Variants in AK9 observed in about 807,000 individuals in gnomAD.
AK9 encodes the protein adenylate kinase 9, also known as adenylate kinase domain containing 1.
A neutral mutation model predicts 239.6 loss-of-function variants in AK9; 191 were observed. The ratio of observed to expected loss-of-function variants is 0.80; its 90% CI spans 0.71 to 0.90. The LOEUF is 0.90. Among genes scored for constraint, AK9 ranks in the 40% least tolerant of loss-of-function variants. The pLI, the probability that AK9 is intolerant of heterozygous loss-of-function variation, is 0.00. For missense variants in AK9, 1,995 were observed against 2,214.7 expected (o/e 0.90, Z 1.99); for synonymous variants, 689 against 721.0 (o/e 0.96, Z 0.71).
intron 32 of AK9, among the ~76,000 whole-genome samples, chr6:109,511,921 T>C (rs893081368): frequency 1.3e-5 from 2 of 152,222 alleles, no homozygotes; most frequent in Non-Finnish European, 2.9e-5. Context: ...TTATTTTGCA[T>C]GTCAACGTTC....
intron 24 of AK9, among the ~76,000 whole-genome samples, chr6:109,555,383 T>C (rs1784875420): frequency 6.6e-6 from 1 of 152,220 alleles, no homozygotes; most frequent in South Asian, 2.1e-4. Context: ...AGACTGTTTG[T>C]TATGATTTCA....
chr6:109,651,942 C>G lies in AK9; in HGVS notation c.759+4814G>C, dbSNP rs560622282. Among the ~76,000 whole-genome samples, 424 of 152,246 alleles carry G rather than the reference C, an allele frequency of 2.8e-3. 1 individual carries two copies. The highest frequency in any genetic ancestry group is 9.7e-3 in the African/African-American group (405 of 41,550). ...CTACCAACCAAAAAAAGTCCAGGAC[C>G]TGACGGATTCACAGCCAAACTCTAC... is the stretch of plus-strand genomic sequence containing the variant. On this transcript the variant is annotated intron_variant, in intron 8 of 40. Coordinates refer to ENST00000424296, the MANE Select transcript of AK9 (RefSeq NM_001145128.3).
In AK9 at chr6:109,499,215, T is replaced by C. The variant is rs1777359618; in HGVS notation, c.4875A>G (p.Leu1625=). The C allele has an allele frequency of 1.9e-6, 3 of 1,551,970 alleles. No homozygotes were observed. The highest frequency in any genetic ancestry group is 1.7e-6 in the Non-Finnish European group (2 of 1,146,540). The part of the protein sequence containing the change: ...KAGKAACIDK[L]CITPQELLSR... Reference sequence around the variant, plus strand: ...AAAGCAGCTCTTGAGGTGTGATACATAACTTGTCAATGCAGGCAGCTTTTC... The same window carrying C: ...AAAGCAGCTCTTGAGGTGTGATACACAACTTGTCAATGCAGGCAGCTTTTC... Residue 1625 remains leucine (L), a synonymous_variant, in exon 36 of 41, where the codon TTA becomes TTG. Coordinates refer to ENST00000424296, the MANE Select transcript of AK9 (RefSeq NM_001145128.3).
chr6:109,524,693 T>C (rs1451988102), intron 29 of AK9, among the ~76,000 whole-genome samples: 1 of 152,212 alleles, frequency 6.6e-6, no homozygotes, highest in East Asian at 1.9e-4. Flanking sequence ...TTCCTATTAA[T>C]TTTTTGAAAA....
Position 109,542,123 on chromosome 6 carries a change from G to A in AK9, c.3274C>T (p.Leu1092=). ...GGAGGCAAGGGCTCATTTTCCATTA[G>A]ACTTGATTTGATTACTTCTTCTTCT... is the stretch of plus-strand genomic sequence containing the variant. ...TEEEEVIKSS[L]MENEPLPPEI... is the part of the protein sequence containing the mutation. The change falls in exon 27 of 41, where the codon CTA becomes TTA. Residue 1092 remains leucine (L), a synonymous_variant. Coordinates refer to ENST00000424296, the MANE Select transcript of AK9 (RefSeq NM_001145128.3). The A allele has an allele frequency of 6.2e-7, 1 of 1,607,258 alleles. No homozygotes were observed. Among genetic ancestry groups the A allele is most frequent in the Non-Finnish European group, 8.5e-7 (1 of 1,176,478 alleles).
At chr6:109,569,568 T>C (rs958266547) in intron 21 of AK9, among the ~76,000 whole-genome samples, 9 of 152,050 alleles carry the variant, frequency 5.9e-5, no homozygotes, top group Admixed American at 2.0e-4. Flanking sequence ...ACAAAGAACT[T>C]AAACAAATTT....
intron 1 of AK9, among the ~76,000 whole-genome samples, chr6:109,685,203 A>C (rs981601621): frequency 6.6e-6 from 1 of 152,158 alleles, no homozygotes; most frequent in Non-Finnish European, 1.5e-5. Flanking sequence ...CAGAAATACC[A>C]TTTGACCCAG....
Position 109,497,873 on chromosome 6 carries a change from T to C in AK9, c.5139A>G (p.Ser1713=). The C allele has an allele frequency of 6.2e-7, 1 of 1,614,056 alleles. No individual in the cohort carries two copies. Among genetic ancestry groups the C allele is most frequent in the Non-Finnish European group, 8.5e-7 (1 of 1,179,920 alleles). Residue 1713 remains serine, a synonymous_variant, in exon 37 of 41, where the codon TCA becomes TCG. Transcript: ENST00000424296. The part of the protein sequence containing the change: ...ADMIPKRLTL[S]ELKSRFPKCA... The stretch of plus-strand genomic sequence containing the variant: ...ACTTAGGGAATCGACTCTTCAGCTC[T>C]GACAGTGTCAGTCTTTTGGGGATCA...
At chr6:109,506,262 CAT>C (rs1292411164) in intron 35 of AK9, 63 bp downstream of exon 35, 1 of 1,457,592 alleles carries the variant, frequency 6.9e-7, no homozygotes, top group East Asian at 2.3e-5. Flanking sequence ...ATTACAGTAA[CAT>C]GAGTCAGGCA....
chr6:109,496,258 C>T (rs1329333521), intron 38 of AK9, among the ~76,000 whole-genome samples: 1 of 152,190 alleles, frequency 6.6e-6, no homozygotes, highest in Non-Finnish European at 1.5e-5. Context: ...GCTCTGGTCC[C>T]CTCAGCCGGC....
chr6:109,681,241 G>C (rs1772581132), intron 1 of AK9, among the ~76,000 whole-genome samples: 1 of 152,184 alleles, frequency 6.6e-6, no homozygotes, highest in East Asian at 1.9e-4. Context: ...AAAATAAAGG[G>C]ATGGAGGAAT....
intron 8 of AK9, among the ~76,000 whole-genome samples, chr6:109,647,529 T>G (rs926235919): frequency 2.3e-4 from 35 of 152,198 alleles, no homozygotes; most frequent in Admixed American, 1.4e-3. Flanking sequence ...AGTTCAACAA[T>G]AAGAGCTAAC....
chr6:109,682,425 T>C (rs1772802907), intron 1 of AK9, among the ~76,000 whole-genome samples: 1 of 46,510 alleles, frequency 2.2e-5, no homozygotes, highest in African/African-American at 2.2e-4. Context: ...AGACTCCGTC[T>C]CAAAAAAAAA....
At chr6:109,564,632 A>C in intron 22 of AK9, 124 bp downstream of exon 22, 1 of 656,388 alleles carries the variant, frequency 1.5e-6, no homozygotes. Context: ...TATGTATGTC[A>C]ATTAGCATAC....
intron 5 of AK9, among the ~76,000 whole-genome samples, chr6:109,665,563 GT>G (rs1288344436): frequency 6.6e-6 from 1 of 152,178 alleles, no homozygotes; most frequent in Non-Finnish European, 1.5e-5. Context: ...TTAACAACAT[GT>G]TTGAACTGGT....
chr6:109,651,540 C>G (rs1000294814), intron 8 of AK9, among the ~76,000 whole-genome samples: 5 of 152,086 alleles, frequency 3.3e-5, no homozygotes, highest in Non-Finnish European at 7.4e-5. Context: ...AATTCAAAAG[C>G]TAGCAGAAGG....
intron 15 of AK9, among the ~76,000 whole-genome samples, chr6:109,613,478 T>C (rs886493899): frequency 6.6e-6 from 1 of 151,936 alleles, no homozygotes; most frequent in African/African-American, 2.4e-5. Flanking sequence ...TGTATATTAC[T>C]GGGGAAACAT....
intron 5 of AK9, among the ~76,000 whole-genome samples, chr6:109,668,041 G>T (rs374207003): frequency 3.9e-5 from 6 of 152,054 alleles, no homozygotes; most frequent in African/African-American, 9.7e-5. Flanking sequence ...TTCCTATTTC[G>T]CCACATCCTC....
chr6:109,680,230 C>G (rs146495681), intron 1 of AK9, among the ~76,000 whole-genome samples: 1,762 of 152,230 alleles, frequency 0.012, 16 homozygotes, highest in Non-Finnish European at 0.019. Context: ...GAATTGCTAA[C>G]TAGAATAACC....
Sources: gnomAD v4.1 joint callset for allele counts (sites outside exome capture counted in the v4.1 genomes callset) on GRCh38, gnomAD v4.1.1 for gene constraint, MANE v1.5 for transcripts, NCBI Gene and HGNC (gene_info 2026-07-23, HGNC 2026-07-21) for gene names.